Variants in MAML3 observed in about 807,000 individuals in gnomAD.
The protein encoded by MAML3 is mastermind-like protein 3.
In MAML3, 27 loss-of-function variants were observed where a neutral mutation model predicts 101.9. The observed-to-expected ratio is 0.27, with a 90% confidence interval of 0.20 to 0.37. The LOEUF is 0.37. MAML3 is among the 10% of genes least tolerant of loss of function. The pLI is 1.00. For synonymous variants in MAML3, 501 were observed against 555.9 expected (o/e 0.90, Z 1.39); for missense variants, 1,316 against 1,444.9 (o/e 0.91, Z 1.45).
chr4:140,037,713 A>G (rs755891515), intron 1 of MAML3, among the ~76,000 whole-genome samples: 10 of 152,236 alleles, frequency 6.6e-5, no homozygotes, highest in Non-Finnish European at 1.3e-4. Flanking sequence ...CATTGCTTTC[A>G]ATAAGACAAG....
intron 1 of MAML3, among the ~76,000 whole-genome samples, chr4:140,034,570 C>G (rs1313736150): frequency 2.0e-5 from 3 of 152,160 alleles, no homozygotes; most frequent in African/African-American, 7.2e-5. Flanking sequence ...CACTGAATGT[C>G]TATTTTGTGC....
At chr4:139,745,109 G>C (rs1285809681) in intron 2 of MAML3, among the ~76,000 whole-genome samples, 2 of 152,208 alleles carry the variant, frequency 1.3e-5, no homozygotes, top group Admixed American at 1.3e-4. Flanking sequence ...CTTGATGGAA[G>C]TGTAGATTTG....
intron 1 of MAML3, among the ~76,000 whole-genome samples, chr4:140,080,573 C>T (rs1478138587): frequency 6.6e-6 from 1 of 152,108 alleles, no homozygotes; most frequent in African/African-American, 2.4e-5. Context: ...GGAGAAGAAA[C>T]TGGTCTTTCA....
intron 1 of MAML3, among the ~76,000 whole-genome samples, chr4:140,115,988 C>G (rs1420034149): frequency 5.3e-5 from 8 of 152,086 alleles, no homozygotes; most frequent in Admixed American, 4.6e-4. Context: ...TAAGTATATA[C>G]AAATATATAG....
chr4:140,150,513 TC>T (rs1343182014), intron 1 of MAML3, among the ~76,000 whole-genome samples: 1 of 151,974 alleles, frequency 6.6e-6, no homozygotes, highest in Non-Finnish European at 1.5e-5. Flanking sequence ...TGTTCCAGGG[TC>T]CCCCAGCTGG....
At chr4:140,026,277 C>T (rs923625571) in intron 1 of MAML3, among the ~76,000 whole-genome samples, 5 of 151,940 alleles carry the variant, frequency 3.3e-5, no homozygotes, top group African/African-American at 7.3e-5. Context: ...ATTTTTGAGA[C>T]GGAATCTCAC....
At chr4:139,913,549 C>A (rs749402563) in intron 1 of MAML3, among the ~76,000 whole-genome samples, 1 of 152,040 alleles carries the variant, frequency 6.6e-6, no homozygotes, top group African/African-American at 2.4e-5. Context: ...GTGATGAGTG[C>A]GAACAGATGA....
At chr4:140,122,787 G>A (rs1397128399) in intron 1 of MAML3, among the ~76,000 whole-genome samples, 3 of 23,668 alleles carry the variant, frequency 1.3e-4, no homozygotes, top group African/African-American at 2.6e-4. Flanking sequence ...GCGAGACTCC[G>A]TCTCAAAAAA....
intron 1 of MAML3, among the ~76,000 whole-genome samples, chr4:140,140,643 C>A (rs928156268): frequency 7.2e-5 from 11 of 152,192 alleles, no homozygotes; most frequent in Admixed American, 7.2e-4. Flanking sequence ...TAAATTGAAG[C>A]ATAATACTTA....
chr4:139,923,463 A>G (rs1015229697), intron 1 of MAML3, among the ~76,000 whole-genome samples: 2 of 152,232 alleles, frequency 1.3e-5, no homozygotes, highest in African/African-American at 4.8e-5. Context: ...CTGACTTAAC[A>G]TTCATGGAAC....
chr4:139,952,741 T>C lies in MAML3; in HGVS notation c.469-61774A>G, dbSNP rs74496784. The stretch of plus-strand genomic sequence containing the variant: ...AGAAGGGGATATATGACTTAGTTCT[T>C]GACAAAAGACTGTGGACAGAAATGA... On this transcript the variant is annotated intron_variant, in intron 1 of 4. Transcript: ENST00000509479. Among the ~76,000 whole-genome samples the C allele has an allele frequency of 6.6e-3, 1,007 of 152,298 alleles. 10 individuals are homozygous for C. Among genetic ancestry groups the C allele is most frequent in the African/African-American group, 0.023 (958 of 41,554 alleles).
chr4:139,931,097 G>A (rs765125925), intron 1 of MAML3, among the ~76,000 whole-genome samples: 19 of 152,172 alleles, frequency 1.2e-4, no homozygotes, highest in Non-Finnish European at 1.3e-4. Flanking sequence ...ACCTCTGGTT[G>A]CAGCAGGACT....
At chr4:140,009,521 C>A (rs1726514175) in intron 1 of MAML3, among the ~76,000 whole-genome samples, 1 of 152,126 alleles carries the variant, frequency 6.6e-6, no homozygotes, top group Non-Finnish European at 1.5e-5. Flanking sequence ...ACCATGCTGA[C>A]CAATGTTTAA....
At chr4:140,111,708 C>CCCACTTGT (rs1245870749) in intron 1 of MAML3, among the ~76,000 whole-genome samples, 1 of 152,054 alleles carries the variant, frequency 6.6e-6, no homozygotes, top group Non-Finnish European at 1.5e-5. Context: ...GGGAGAATAC[C>CCCACTTGT]CCACTTGTAA....
intron 1 of MAML3, among the ~76,000 whole-genome samples, chr4:139,904,392 G>A (rs1451129183): frequency 6.6e-6 from 1 of 152,208 alleles, no homozygotes; most frequent in East Asian, 1.9e-4. Context: ...AACATCTACT[G>A]GGTGCTGGGT....
intron 2 of MAML3, among the ~76,000 whole-genome samples, chr4:139,833,504 G>C (rs918487647): frequency 5.3e-5 from 8 of 151,796 alleles, no homozygotes; most frequent in South Asian, 2.1e-4. Context: ...GAGGAAGAAG[G>C]GGGGCAGCCA....
rs540764556 is a variant in MAML3 at position 140,044,164 on chromosome 4, A to T, written c.468+108696T>A. Among the ~76,000 whole-genome samples, 17 of 152,332 alleles carry T rather than the reference A, an allele frequency of 1.1e-4. No homozygotes were observed. In the East Asian group the frequency reaches 3.3e-3, roughly 29 times the overall value. ...GATTGGTGTGTTCTCGGCAGTTTCA[A>T]TGAGGGCTATGGGCCCGAGACGTTT... is the stretch of plus-strand genomic sequence containing the variant. On this transcript the variant is annotated intron_variant, in intron 1 of 4. Coordinates refer to ENST00000509479, the MANE Select transcript of MAML3 (RefSeq NM_018717.5).
At chr4:139,901,896 T>A (rs1732728922) in intron 1 of MAML3, among the ~76,000 whole-genome samples, 1 of 152,192 alleles carries the variant, frequency 6.6e-6, no homozygotes. Flanking sequence ...GAATTCTCAT[T>A]TTTGTTTTCA....
intron 1 of MAML3, among the ~76,000 whole-genome samples, chr4:139,916,484 T>C (rs142881877): frequency 3.8e-4 from 58 of 152,346 alleles, no homozygotes; most frequent in African/African-American, 1.4e-3. Flanking sequence ...TGGCTAATCC[T>C]ACTGGTGACC....
Sources: allele counts gnomAD v4.1 joint callset (sites outside exome capture counted in the v4.1 genomes callset), GRCh38; gene constraint gnomAD v4.1.1; transcripts MANE v1.5; gene names NCBI Gene and HGNC (gene_info 2026-07-23, HGNC 2026-07-21).